Variants in FAM3B observed in about 807,000 individuals in gnomAD.
The protein encoded by FAM3B is protein FAM3B.
Under a neutral mutation model 28.4 loss-of-function variants are expected in FAM3B, and 29 were observed. The observed-to-expected ratio is 1.02, with a 90% CI of 0.76 to 1.39. FAM3B has a LOEUF of 1.39. Ranked by LOEUF, FAM3B falls within the 40% of genes most tolerant of loss-of-function variation. The probability of loss-of-function intolerance (pLI) is 0.00; values close to 1 mark genes in which losing one functional copy is unlikely to be tolerated. For synonymous variants in FAM3B, 91 were observed against 103.0 expected (o/e 0.88, Z 0.71); for missense variants, 266 against 293.9 (o/e 0.91, Z 0.69).
intron 2 of FAM3B, among the ~76,000 whole-genome samples, chr21:41,335,748 G>T (rs559860623): frequency 1.3e-5 from 2 of 152,274 alleles, no homozygotes; most frequent in Middle Eastern, 6.8e-3. Flanking sequence ...TCATACCATG[G>T]TAGTAGGAAA....
chr21:41,316,917 C>T lies in FAM3B; in HGVS notation c.19+19C>T. ...GCTGGTGGTGAGTGCGCCCCCGCCT[C>T]GGGGCGAGGGTAGGGGCGGGGAAGG... On this transcript the variant is annotated intron_variant, in intron 1 of 7. Coordinates refer to ENST00000357985, the MANE Select transcript of FAM3B (RefSeq NM_058186.4). 5 of 1,352,626 alleles carry T rather than the reference C, an allele frequency of 3.7e-6. No individual in the cohort carries two copies. Among genetic ancestry groups the T allele is most frequent in the Non-Finnish European group, 4.8e-6 (5 of 1,050,834 alleles). 83.8% of individuals were successfully genotyped at this position (1,352,626 alleles called of 1,614,324 possible).
intron 1 of FAM3B, chr21:41,320,831 C>T (rs2088796730): frequency 6.6e-6 from 1 of 152,218 alleles, no homozygotes; most frequent in Non-Finnish European, 1.5e-5. Context: ...CGCATCAGGA[C>T]CCGCCATGGG....
intron 7 of FAM3B, among the ~76,000 whole-genome samples, chr21:41,353,006 A>C (rs1238243112): frequency 6.6e-6 from 1 of 152,184 alleles, no homozygotes; most frequent in African/African-American, 2.4e-5. Flanking sequence ...ACTCAATTAT[A>C]CTTCTCTTTA....
At chr21:41,321,519 T>C (rs984834997) in intron 1 of FAM3B, among the ~76,000 whole-genome samples, 1 of 152,236 alleles carries the variant, frequency 6.6e-6, no homozygotes, top group Non-Finnish European at 1.5e-5. Context: ...TCCTGAAAAC[T>C]GCACTGATCA....
intron 6 of FAM3B, 147 bp downstream of exon 6, chr21:41,347,247 G>T: frequency 1.5e-6 from 1 of 688,820 alleles, no homozygotes; most frequent in Non-Finnish European, 2.6e-6. Context: ...GAAAGATCAT[G>T]ACAAAATAGA....
At chr21:41,345,927 C>T (rs1398129940) in intron 5 of FAM3B, 191 bp downstream of exon 5, 2 of 513,486 alleles carry the variant, frequency 3.9e-6, no homozygotes, top group East Asian at 4.1e-5. Flanking sequence ...CATTTGAAGG[C>T]ATCATCTAGA....
At chr21:41,312,722 A>AGTGTGTGT (rs10580404), upstream of FAM3B, among the ~76,000 whole-genome samples, 4,783 of 148,278 alleles carry the variant, frequency 0.032, 211 homozygotes, top group African/African-American at 0.1. Context: ...TGTGTGTGAG[A>AGTGTGTGT]GTGTGTGTGT....
intron 2 of FAM3B, among the ~76,000 whole-genome samples, chr21:41,332,077 G>A (rs1480300309): frequency 2.6e-5 from 4 of 152,206 alleles, no homozygotes; most frequent in African/African-American, 7.2e-5. Context: ...ATGCCTCATG[G>A]CTTGGTGCTG....
chr21:41,315,835 G>T (rs956169852), upstream of FAM3B, among the ~76,000 whole-genome samples: 1 of 152,158 alleles, frequency 6.6e-6, no homozygotes, highest in Non-Finnish European at 1.5e-5. Context: ...GCCCACCAGG[G>T]TGACCCACAG....
chr21:41,321,649 A>C (rs2088807379), intron 1 of FAM3B, among the ~76,000 whole-genome samples: 1 of 152,218 alleles, frequency 6.6e-6, no homozygotes, highest in African/African-American at 2.4e-5. Flanking sequence ...AAAGCAAAAC[A>C]AAACCAAACC....
At chr21:41,319,764 C>T (rs1482457268) in intron 1 of FAM3B, 1 of 152,398 alleles carries the variant, frequency 6.6e-6, no homozygotes, top group Admixed American at 6.6e-5. Context: ...CACAGAGAGG[C>T]TGTGCCACAG....
intron 2 of FAM3B, among the ~76,000 whole-genome samples, chr21:41,337,732 G>A (rs188441488): frequency 8.6e-5 from 13 of 151,934 alleles, no homozygotes; most frequent in East Asian, 1.9e-4. Context: ...GTGTGCATGC[G>A]TGTGTGGTGA....
In FAM3B at chr21:41,333,557, G is replaced by A. The variant is rs140860550; in HGVS notation, c.164-4821G>A. Among the ~76,000 whole-genome samples the A allele has an allele frequency of 7.7e-3, 1,167 of 152,308 alleles. 6 individuals carry two copies. Among genetic ancestry groups the A allele is most frequent in the Non-Finnish European group, 0.013 (893 of 68,016 alleles). On this transcript the variant is annotated intron_variant, in intron 2 of 7. Transcript: ENST00000357985. ...GTTTCCTGGGGCCTCCCCAGAAGCT[G>A]AGAAGATGCCAGCATTATACTTCTT...
chr21:41,318,995 A>C (rs11910683), intron 1 of FAM3B, among the ~76,000 whole-genome samples: 15,303 of 152,232 alleles, frequency 0.1, 1,339 homozygotes, highest in African/African-American at 0.23. Context: ...TAGGTTCACG[A>C]AATCCTCCTG....
intron 2 of FAM3B, among the ~76,000 whole-genome samples, chr21:41,328,238 T>A (rs554763825): frequency 1.6e-4 from 25 of 152,164 alleles, no homozygotes; most frequent in Non-Finnish European, 1.9e-4. Context: ...TCTCTCTGAA[T>A]TGAGTACCCA....
intron 3 of FAM3B, among the ~76,000 whole-genome samples, chr21:41,339,672 T>C (rs1404013507): frequency 6.6e-6 from 1 of 152,198 alleles, no homozygotes; most frequent in East Asian, 1.9e-4. Context: ...ATACCAAGAC[T>C]ACTAACAATA....
intron 1 of FAM3B, among the ~76,000 whole-genome samples, chr21:41,310,105 A>G (rs575179883): frequency 1.3e-5 from 2 of 152,274 alleles, no homozygotes; most frequent in South Asian, 4.1e-4. Flanking sequence ...TTCTACCCAA[A>G]GGCAGCCTTG....
At chr21:41,338,704 T>G (rs1431973444) in intron 3 of FAM3B, among the ~76,000 whole-genome samples, 2 of 151,170 alleles carry the variant, frequency 1.3e-5, no homozygotes, top group East Asian at 3.8e-4. Flanking sequence ...AATGGCTGTA[T>G]GTGTCTTGTG....
intron 3 of FAM3B, among the ~76,000 whole-genome samples, chr21:41,339,259 T>G (rs1330438636): frequency 6.6e-6 from 1 of 152,222 alleles, no homozygotes; most frequent in African/African-American, 2.4e-5. Context: ...TTAAGTTATC[T>G]GTTTCTTCTT....
Sources: allele counts gnomAD v4.1 joint callset (sites outside exome capture counted in the v4.1 genomes callset), GRCh38; gene constraint gnomAD v4.1.1; transcripts MANE v1.5; gene names NCBI Gene and HGNC (gene_info 2026-07-23, HGNC 2026-07-21).